KLHL28: variants seen among roughly 807,000 people sequenced by gnomAD.
KLHL28 encodes the protein kelch-like protein 28.
Under a neutral mutation model 48.3 loss-of-function variants are expected in KLHL28, and 22 were observed. The observed-to-expected ratio is 0.46, with a 90% confidence interval of 0.33 to 0.65. KLHL28 has a LOEUF of 0.65. Among genes scored for constraint, KLHL28 ranks in the 30% least tolerant of loss-of-function variants. KLHL28 has a pLI of 0.03. For missense variants in KLHL28, 527 were observed against 704.3 expected, an observed-to-expected ratio of 0.75 and a Z score of 2.85; for synonymous variants, 243 against 242.4, an observed-to-expected ratio of 1.00 and a Z score of -0.02.
At chr14:44,941,019 G>C (rs1044620722) in intron 2 of KLHL28, among the ~76,000 whole-genome samples, 2 of 152,006 alleles carry the variant, frequency 1.3e-5, no homozygotes, top group African/African-American at 4.8e-5. Context: ...AGAATCGCTC[G>C]AACTCAGGAG....
At position 44,924,324 on chromosome 14, in the gene KLHL28, T is replaced by C. The variant is rs1883311111; in HGVS notation, c.*4704A>G. ...CAATTATCATATGACATATACAAAGTAGATTTTTCATTTTTATTTTAAACA... is the reference window on the plus strand; with the variant it reads ...CAATTATCATATGACATATACAAAGCAGATTTTTCATTTTTATTTTAAACA... On this transcript the variant is annotated 3_prime_UTR_variant, in exon 5 of 5. Transcript: ENST00000396128. 6.6e-6 allele frequency: 1 copy of C among 152,320 alleles called. No individual in the cohort carries two copies. The highest frequency in any genetic ancestry group is 2.1e-4 in the South Asian group (1 of 4,828). 9.4% of individuals were successfully genotyped at this position (152,320 alleles called of 1,614,324 possible).
At chr14:44,936,571 G>A (rs1407312155) in intron 2 of KLHL28, among the ~76,000 whole-genome samples, 1 of 152,164 alleles carries the variant, frequency 6.6e-6, no homozygotes, top group African/African-American at 2.4e-5. Context: ...GAAGGTGTCA[G>A]ACATGAGGGA....
rs1883373676 is a variant in KLHL28, at chr14:44,926,447, T to G, written c.*2581A>C. 1 of 152,194 alleles carries G rather than the reference T, an allele frequency of 6.6e-6. No individual in the cohort carries two copies. Among genetic ancestry groups the G allele is most frequent in the Non-Finnish European group, 1.5e-5 (1 of 68,030 alleles). The allele number at this position is 152,194 out of a possible 1,614,324, so 9.4% of individuals were successfully genotyped here. ...TTATACACTAATTTGATAGTGGAGA[T>G]GATACATGAGTAAAATATTGTTAAA... is the stretch of plus-strand genomic sequence containing the variant. On this transcript the variant is annotated 3_prime_UTR_variant, in exon 5 of 5. Transcript: ENST00000396128.
chr14:44,950,774 C>G (rs1884547289), intron 1 of KLHL28, among the ~76,000 whole-genome samples: 1 of 152,134 alleles, frequency 6.6e-6, no homozygotes, highest in African/African-American at 2.4e-5. Context: ...TACATAAGCA[C>G]TCAGTAATTG....
intron 1 of KLHL28, among the ~76,000 whole-genome samples, chr14:44,960,224 C>G (rs1029747032): frequency 6.6e-6 from 1 of 152,172 alleles, no homozygotes; most frequent in Non-Finnish European, 1.5e-5. Flanking sequence ...CTTAAGTATC[C>G]ACGTCTCTCA....
Position 44,944,916 on chromosome 14 carries a change from A to T in KLHL28, c.899+114T>A, listed in dbSNP as rs528260248. 8.9e-6 allele frequency: 7 copies of T among 783,150 alleles called. No individual in the cohort carries two copies. The Admixed American group carries it at 1.1e-4, about 12-fold the overall frequency. The allele number at this position is 783,150 out of a possible 1,614,324, so 48.5% of individuals were successfully genotyped here. A position where few individuals can be genotyped will look rare whatever the true frequency, so the allele number is the denominator to read the frequency against. ...AGGAAGAAGAAAAAAAACTAAAAAG[A>T]AGCAAAGAAAAGTAAAAAGGAAAAT... On this transcript the variant is annotated intron_variant, in intron 2 of 4. Transcript: ENST00000396128.
In KLHL28 at chr14:44,929,083, A is replaced by T; in HGVS notation, c.1661T>A (p.Leu554Gln). ...QKYDPISDTW[L>Q]DSAGMIYCRC... Reference sequence around the variant, plus strand: ...ACAGTATATCATGCCAGCTGAATCCAGCCACGTATCTGAGATAGGATCATA... The same window carrying T: ...ACAGTATATCATGCCAGCTGAATCCTGCCACGTATCTGAGATAGGATCATA... The change falls in exon 5 of 5, where the codon CTG becomes CAG. Residue 554 changes from leucine to glutamine, a missense_variant. Transcript: ENST00000396128. 6.2e-7 allele frequency: 1 copy of T among 1,614,106 alleles called. No individual in the cohort carries two copies. Among genetic ancestry groups the T allele is most frequent in the Non-Finnish European group, 8.5e-7 (1 of 1,179,994 alleles).
chr14:44,938,464 C>T (rs563361565), intron 2 of KLHL28, among the ~76,000 whole-genome samples: 10 of 152,078 alleles, frequency 6.6e-5, no homozygotes, highest in Admixed American at 2.6e-4. Flanking sequence ...CTCCGCCTCC[C>T]GGGTTCACAC....
intron 1 of KLHL28, chr14:44,961,141 G>C: frequency 2.5e-6 from 1 of 407,106 alleles, no homozygotes; most frequent in Non-Finnish European, 4.5e-6. Flanking sequence ...ATAAATAAAT[G>C]TCTACTATCA....
intron 4 of KLHL28, among the ~76,000 whole-genome samples, chr14:44,929,572 A>G (rs1469009991): frequency 6.6e-6 from 1 of 152,222 alleles, no homozygotes; most frequent in African/African-American, 2.4e-5. Flanking sequence ...AAAAAATATT[A>G]CATATATAGG....
intron 1 of KLHL28, among the ~76,000 whole-genome samples, chr14:44,952,020 G>T (rs779145890): frequency 3.3e-5 from 5 of 151,916 alleles, no homozygotes; most frequent in African/African-American, 1.2e-4. Flanking sequence ...CACCACGCCC[G>T]ACTAGTTTTT....
rs1289480364 is a variant in KLHL28, at chr14:44,928,244, A to G, written c.*784T>C. 1 of 152,234 alleles carries G rather than the reference A, an allele frequency of 6.6e-6. No homozygotes were observed. The highest frequency in any genetic ancestry group is 2.4e-5 in the African/African-American group (1 of 41,456). 9.4% of individuals were successfully genotyped at this position (152,234 alleles called of 1,614,324 possible). A position where few individuals can be genotyped will look rare whatever the true frequency, so the allele number is the denominator to read the frequency against. On this transcript the variant is annotated 3_prime_UTR_variant, in exon 5 of 5. Transcript: ENST00000396128. ...ACATCAGCACTGGGAGGCCTGCTGT[A>G]CTACTGAAGAAAAACTGAAACACCT... is the stretch of plus-strand genomic sequence containing the variant.
In KLHL28 at chr14:44,946,057, T is replaced by C. The variant is rs1884323786; in HGVS notation, c.1-129A>G. The stretch of plus-strand genomic sequence containing the variant: ...TGTTCATTGGTTTTTAAATACTTCA[T>C]AGTAAATACTAGAACTAGAGGCTTT... On this transcript the variant is annotated intron_variant, in intron 1 of 4. Transcript: ENST00000396128. 8.8e-6 allele frequency: 6 copies of C among 682,602 alleles called. No homozygotes were observed. The South Asian group carries it at 1.2e-4, about 13-fold the overall frequency. 42.3% of individuals were successfully genotyped at this position (682,602 alleles called of 1,614,324 possible). A position where few individuals can be genotyped will look rare whatever the true frequency, so the allele number is the denominator to read the frequency against.
chr14:44,946,306 G>A (rs1244836436), intron 1 of KLHL28, among the ~76,000 whole-genome samples: 1 of 152,114 alleles, frequency 6.6e-6, no homozygotes, highest in African/African-American at 2.4e-5. Context: ...GAAAAACTTG[G>A]TTAAAGTAAA....
chr14:44,950,304 C>T (rs1884521403), intron 1 of KLHL28, among the ~76,000 whole-genome samples: 1 of 152,058 alleles, frequency 6.6e-6, no homozygotes, highest in South Asian at 2.1e-4. Flanking sequence ...AGATAAGAAA[C>T]CCACTCTGTC....
Position 44,934,333 on chromosome 14 carries a change from G to A in KLHL28, c.1125C>T (p.Ser375=). 1 of 1,613,950 alleles carries A rather than the reference G, an allele frequency of 6.2e-7. No individual in the cohort carries two copies. The highest frequency in any genetic ancestry group is 8.5e-7 in the Non-Finnish European group (1 of 1,179,898). The change falls in exon 3 of 5, where the codon AGC becomes AGT. Residue 375 remains serine, a synonymous_variant. Coordinates refer to ENST00000396128, the MANE Select transcript of KLHL28 (RefSeq NM_017658.5). ...TWTSLERMNE[S]RSTLGVVVLA... is the part of the protein sequence containing the mutation. ...GTACTACTACTCCAAGAGTACTTCG[G>A]CTTTCATTCATTCTCTCTAGAGAAG...
chr14:44,946,608 G>A (rs1884348026), intron 1 of KLHL28, among the ~76,000 whole-genome samples: 1 of 148,554 alleles, frequency 6.7e-6, no homozygotes, highest in Non-Finnish European at 1.5e-5. Context: ...CCAGGCTGGG[G>A]TCCAGGGGCA....
chr14:44,942,909 T>G (rs776540247), intron 2 of KLHL28, among the ~76,000 whole-genome samples: 9 of 152,200 alleles, frequency 5.9e-5, no homozygotes, highest in South Asian at 4.1e-4. Flanking sequence ...TTGTTGAAGG[T>G]CAATTATCTA....
intron 1 of KLHL28, among the ~76,000 whole-genome samples, chr14:44,958,041 C>T (rs898317316): frequency 6.7e-6 from 1 of 149,178 alleles, no homozygotes; most frequent in African/African-American, 2.5e-5. Flanking sequence ...TTTGGTATAT[C>T]AGGTTCCTCC....
Sources: gnomAD v4.1 joint callset for allele counts (sites outside exome capture counted in the v4.1 genomes callset) on GRCh38, gnomAD v4.1.1 for gene constraint, MANE v1.5 for transcripts, NCBI Gene and HGNC (gene_info 2026-07-23, HGNC 2026-07-21) for gene names.